The following GPR162 variants were observed in gnomAD, a reference collection of about 807,000 sequenced individuals.
GPR162 encodes probable G protein-coupled receptor 162.
In GPR162, 26 loss-of-function variants were observed where a neutral mutation model predicts 44.9. That is an observed-to-expected ratio of 0.58 (90% confidence interval 0.42 to 0.80). GPR162 has a LOEUF of 0.80. Ranked by LOEUF, GPR162 falls within the 30% of genes least tolerant of loss-of-function variation. The pLI, the probability that GPR162 is intolerant of heterozygous loss-of-function variation, is 0.00. For missense variants in GPR162, 704 were observed against 802.3 expected, an observed-to-expected ratio of 0.88 and a Z score of 1.48; for synonymous variants, 363 against 335.2, an observed-to-expected ratio of 1.08 and a Z score of -0.91.
Position 6,824,387 on chromosome 12 carries a change from C to A in GPR162, c.489C>A (p.Tyr163Ter). The A allele has an allele frequency of 6.2e-7, 1 of 1,614,250 alleles. No individual in the cohort carries two copies. The highest frequency in any genetic ancestry group is 8.5e-7 in the Non-Finnish European group (1 of 1,180,044). ...SIGWHNNGER[Y>*]YARGCQFIVS... The stretch of plus-strand genomic sequence containing the variant: ...GCTGGCACAACAACGGCGAGCGCTA[C>A]TATGCCCGCGGCTGCCAGTTCATAG... Residue 163 changes from tyrosine (Y) to a stop codon, truncating the protein, a stop_gained, in exon 2 of 5, where the codon TAC becomes TAA. Coordinates refer to ENST00000311268, the MANE Select transcript of GPR162 (RefSeq NM_019858.2). LOFTEE classifies it high-confidence loss of function.
At position 6,827,086 on chromosome 12, in the gene GPR162, T is replaced by C. The variant is rs782549896; in HGVS notation, c.1649T>C (p.Leu550Pro). The change falls in exon 5 of 5, where the codon CTT becomes CCT. Residue 550 changes from leucine to proline, a missense_variant. By Grantham distance (98) the Leu-to-Pro change is moderately conservative. This residue lies in a region of GPR162 where 404 missense variants were observed against 314.1 expected (regional missense o/e 1.29). Coordinates refer to ENST00000311268, the MANE Select transcript of GPR162 (RefSeq NM_019858.2). Reference sequence around the variant, plus strand: ...TCCCCTGAGAGCAGAGCCGTTGGACTTCCTTTGGGACTAAGCGCAGGGAGA... The same window carrying C: ...TCCCCTGAGAGCAGAGCCGTTGGACCTCCTTTGGGACTAAGCGCAGGGAGA... ...LGSPESRAVG[L>P]PLGLSAGRRC... is the part of the protein sequence containing the mutation. The C allele has an allele frequency of 1.2e-5, 20 of 1,613,304 alleles. No individual in the cohort carries two copies. The highest frequency in any genetic ancestry group is 1.6e-4 in the Middle Eastern group (1 of 6,084).
chr12:6,826,284 C>T lies in GPR162; in HGVS notation c.1146C>T (p.Pro382=), dbSNP rs114272527. 1,326 of 1,613,980 alleles carry T rather than the reference C, an allele frequency of 8.2e-4. 5 individuals are homozygous for T. The African/African-American group carries it at 0.014, about 17-fold the overall frequency. ...CCACAGGACCAGGGAGCCGGGACCC[C>T]GCCCAGGTGAAGCTGCTGCCTGGAA... is the stretch of plus-strand genomic sequence containing the variant. The part of the protein sequence containing the change: ...NGATGPGSRD[P]AQVKLLPGRH... Residue 382 remains proline (P), a synonymous_variant, in exon 4 of 5, where the codon CCC becomes CCT. Transcript: ENST00000311268.
rs375877745 is a variant in GPR162 at position 6,823,903 on chromosome 12, C to T, written c.5C>T (p.Ala2Val). 190 of 1,566,510 alleles carry T rather than the reference C, an allele frequency of 1.2e-4. No homozygotes were observed. The highest frequency in any genetic ancestry group is 1.5e-4 in the Non-Finnish European group (174 of 1,153,766). The stretch of plus-strand genomic sequence containing the variant: ...GGGTGGGGGGCTGAGGATAGGATGG[C>T]TCGGGGCGGGGCGGGGGCAGAGGAG... M[A>V]RGGAGAEEAS... Residue 2 changes from alanine (A) to valine (V), a missense_variant, in exon 2 of 5, where the codon GCT becomes GTT. Physicochemically the swap from Ala to Val is moderately conservative, Grantham distance 64. Coordinates refer to ENST00000311268, the MANE Select transcript of GPR162 (RefSeq NM_019858.2).
Position 6,823,714 on chromosome 12 carries a change from C to T in GPR162, c.-185C>T, listed in dbSNP as rs11539232. The T allele has an allele frequency of 6.3e-7, 1 of 1,593,374 alleles. No individual in the cohort carries two copies. The highest frequency in any genetic ancestry group is 1.1e-5 in the South Asian group (1 of 90,142). ...GCTGACCCTCAGTCTCCTCCCCTGC[C>T]CTCTACATCTGCCCTCAGCTGGGTC... On this transcript the variant is annotated 5_prime_UTR_variant, in exon 2 of 5. Coordinates refer to ENST00000311268, the MANE Select transcript of GPR162 (RefSeq NM_019858.2).
In GPR162 at chr12:6,827,132, T is replaced by G. The variant is rs201750723; in HGVS notation, c.1695T>G (p.Gly565=). 2.7e-3 allele frequency: 4,306 copies of G among 1,612,532 alleles called. 6 individuals carry two copies. The highest frequency in any genetic ancestry group is 2.9e-3 in the Non-Finnish European group (3,433 of 1,179,868). ...SAGRRCSLTG[G]EESARAWGGS... Reference sequence around the variant, plus strand: ...GGAGACGCTGCTCCCTGACGGGGGGTGAAGAAAGTGCAAGGGCTTGGGGAG... The same window carrying G: ...GGAGACGCTGCTCCCTGACGGGGGGGGAAGAAAGTGCAAGGGCTTGGGGAG... Residue 565 remains glycine (G), a synonymous_variant, in exon 5 of 5, where the codon GGT becomes GGG. Coordinates refer to ENST00000311268, the MANE Select transcript of GPR162 (RefSeq NM_019858.2).
rs1555120368 is a variant in GPR162, at chr12:6,827,021, C to T, written c.1584C>T (p.Pro528=). The T allele has an allele frequency of 3.1e-6, 5 of 1,613,384 alleles. No homozygotes were observed. The Admixed American group carries it at 5.0e-5, about 16-fold the overall frequency. The part of the protein sequence containing the change: ...TASPGHSPRR[P]RPLGLSPRRL... Reference sequence around the variant, plus strand: ...CACCAGGGCACTCTCCTCGTCGGCCCCGGCCACTGGGCCTCTCACCCCGCC... The same window carrying T: ...CACCAGGGCACTCTCCTCGTCGGCCTCGGCCACTGGGCCTCTCACCCCGCC... The change falls in exon 5 of 5, where the codon CCC becomes CCT. Residue 528 remains proline, a synonymous_variant. Coordinates refer to ENST00000311268, the MANE Select transcript of GPR162 (RefSeq NM_019858.2).
At position 6,824,480 on chromosome 12, in the gene GPR162, T is replaced by G; in HGVS notation, c.582T>G (p.Gly194=). The change falls in exon 2 of 5, where the codon GGT becomes GGG. Residue 194 remains glycine (G), a synonymous_variant. Coordinates refer to ENST00000311268, the MANE Select transcript of GPR162 (RefSeq NM_019858.2). ...TGCTACTTGGGGGAATTGTCATGGG[T>G]CTGGTCTGTGTGGCCATCACCTTCT... is the stretch of plus-strand genomic sequence containing the variant. ...SLLLLGGIVM[G]LVCVAITFYQ... is the part of the protein sequence containing the mutation. 1 of 1,613,764 alleles carries G rather than the reference T, an allele frequency of 6.2e-7. No homozygotes were observed. The highest frequency in any genetic ancestry group is 8.5e-7 in the Non-Finnish European group (1 of 1,179,944).
In GPR162 at chr12:6,822,542, C is replaced by T. The variant is rs555744061; in HGVS notation, c.-432+642C>T. Among the ~76,000 whole-genome samples, 1 of 152,200 alleles carries T rather than the reference C, an allele frequency of 6.6e-6. No individual in the cohort carries two copies. Among genetic ancestry groups the T allele is most frequent in the African/African-American group, 2.4e-5 (1 of 41,452 alleles). On this transcript the variant is annotated intron_variant, in intron 1 of 4. Transcript: ENST00000311268. This position sits in a 1 kb window ranked among gnomAD's most constrained non-coding sequence, Gnocchi z 4.2. ...GGGTTTCACCCGATTCCCTTACCCC[C>T]CTTCCCAGGGCTCACTGAAGCTCAG...
chr12:6,827,267 G>A lies in GPR162; in HGVS notation c.*63G>A, dbSNP rs118104657. The A allele has an allele frequency of 1.2e-3, 1,634 of 1,348,326 alleles. 9 individuals are homozygous for A. In the East Asian group the frequency reaches 0.017, roughly 14 times the overall value. 83.5% of individuals were successfully genotyped at this position (1,348,326 alleles called of 1,614,324 possible). ...GAGTGAGTAACACCTCATTCTGGCCGAGAGTAGGGCAGCTGCCTCCAGACT... is the reference window on the plus strand; with the variant it reads ...GAGTGAGTAACACCTCATTCTGGCCAAGAGTAGGGCAGCTGCCTCCAGACT... On this transcript the variant is annotated 3_prime_UTR_variant, in exon 5 of 5. Transcript: ENST00000311268.
chr12:6,827,020 C>T lies in GPR162; in HGVS notation c.1583C>T (p.Pro528Leu), dbSNP rs782782013. Residue 528 changes from proline (P) to leucine (L), a missense_variant, in exon 5 of 5, where the codon CCC becomes CTC. Physicochemically the swap from Pro to Leu is moderately conservative, Grantham distance 98 (BLOSUM62 -3). This residue lies in a region of GPR162 where 404 missense variants were observed against 314.1 expected (regional missense o/e 1.29). Transcript: ENST00000311268. ...TCACCAGGGCACTCTCCTCGTCGGCCCCGGCCACTGGGCCTCTCACCCCGC... is the reference window on the plus strand; with the variant it reads ...TCACCAGGGCACTCTCCTCGTCGGCTCCGGCCACTGGGCCTCTCACCCCGC... ...TASPGHSPRR[P>L]RPLGLSPRRL... 3 of 1,613,282 alleles carry T rather than the reference C, an allele frequency of 1.9e-6. No individual in the cohort carries two copies. In the African/African-American group the frequency reaches 4.0e-5, roughly 22 times the overall value.
At chr12:6,826,484 G>T in intron 4 of GPR162, 131 bp downstream of exon 4, 1 of 1,107,282 alleles carries the variant, frequency 9.0e-7, no homozygotes. Context: ...GTGAAAGAAA[G>T]CTATAGCAAG....
Position 6,826,980 on chromosome 12 carries a change from C to T in GPR162, c.1543C>T (p.Pro515Ser). Residue 515 changes from proline to serine, a missense_variant, in exon 5 of 5, where the codon CCT becomes TCT. Coordinates refer to ENST00000311268, the MANE Select transcript of GPR162 (RefSeq NM_019858.2). ...ITTFIDETPL[P>S]SPTASPGHSP... ...CACCTTCATCGATGAGACACCTCTG[C>T]CTTCTCCGACTGCCTCACCAGGGCA... 1 of 1,613,296 alleles carries T rather than the reference C, an allele frequency of 6.2e-7. No homozygotes were observed. Among genetic ancestry groups the T allele is most frequent in the Non-Finnish European group, 8.5e-7 (1 of 1,179,950 alleles).
rs1943364863 is a variant in GPR162 at position 6,826,782 on chromosome 12, C to T, written c.1345C>T (p.Leu449Phe). 10 of 1,609,420 alleles carry T rather than the reference C, an allele frequency of 6.2e-6. No individual in the cohort carries two copies. The highest frequency in any genetic ancestry group is 8.5e-6 in the Non-Finnish European group (10 of 1,177,636). ...IRVLPAQSRA[L>F]GGPPEYLGQR... Reference sequence around the variant, plus strand: ...GGTCCTCCCAGCCCAGAGCCGGGCCCTCGGGGGTCCTCCTGAGTACCTGGG... The same window carrying T: ...GGTCCTCCCAGCCCAGAGCCGGGCCTTCGGGGGTCCTCCTGAGTACCTGGG... The change falls in exon 5 of 5, where the codon CTC becomes TTC. Residue 449 changes from leucine (L) to phenylalanine (F), a missense_variant. Leu to Phe is a conservative substitution (Grantham distance 22, BLOSUM62 0). This residue lies in a region of GPR162 where 404 missense variants were observed against 314.1 expected (regional missense o/e 1.29). Coordinates refer to ENST00000311268, the MANE Select transcript of GPR162 (RefSeq NM_019858.2).
At chr12:6,826,025 C>T (rs185620244) in intron 3 of GPR162, among the ~76,000 whole-genome samples, 171 bp from the exon 4 acceptor site, 2 of 152,308 alleles carry the variant, frequency 1.3e-5, no homozygotes, top group Admixed American at 1.3e-4. Context: ...ATGAAGCACT[C>T]CACTCAGGAT....
In GPR162 at chr12:6,826,445, C is replaced by T. The variant is rs1943357311; in HGVS notation, c.1215+92C>T. 5 of 1,313,560 alleles carry T rather than the reference C, an allele frequency of 3.8e-6. 1 individual carries two copies. In the Admixed American group the frequency reaches 9.3e-5, roughly 24 times the overall value. 81.4% of individuals were successfully genotyped at this position (1,313,560 alleles called of 1,614,324 possible). On this transcript the variant is annotated intron_variant, in intron 4 of 4. Transcript: ENST00000311268. Reference sequence around the variant, plus strand: ...GGCACCCCAATCCCCTCTTCCCTAGCCCTGGCTTTCAGGGCACCATAGAGC... The same window carrying T: ...GGCACCCCAATCCCCTCTTCCCTAGTCCTGGCTTTCAGGGCACCATAGAGC...
In GPR162 at chr12:6,826,700, T is replaced by C; in HGVS notation, c.1263T>C (p.Ser421=). The change falls in exon 5 of 5, where the codon TCT becomes TCC. Residue 421 remains serine, a synonymous_variant. Coordinates refer to ENST00000311268, the MANE Select transcript of GPR162 (RefSeq NM_019858.2). ...RLSHDETNIF[S]TPREPGSFLH... Reference sequence around the variant, plus strand: ...CCCATGATGAGACAAACATCTTCTCTACCCCTCGGGAACCAGGCTCCTTCC... The same window carrying C: ...CCCATGATGAGACAAACATCTTCTCCACCCCTCGGGAACCAGGCTCCTTCC... The C allele has an allele frequency of 1.3e-6, 2 of 1,542,036 alleles. No homozygotes were observed. The highest frequency in any genetic ancestry group is 1.7e-6 in the Non-Finnish European group (2 of 1,147,990).
chr12:6,823,809 G>A lies in GPR162; in HGVS notation c.-90G>A, dbSNP rs149274182. ...CCTGCTGACAGGGCGAGGATTGTGGGGATCATGGGAGTGTTTGTGAGTGGG... is the reference window on the plus strand; with the variant it reads ...CCTGCTGACAGGGCGAGGATTGTGGAGATCATGGGAGTGTTTGTGAGTGGG... On this transcript the variant is annotated 5_prime_UTR_variant, in exon 2 of 5. Coordinates refer to ENST00000311268, the MANE Select transcript of GPR162 (RefSeq NM_019858.2). 6.2e-7 allele frequency: 1 copy of A among 1,608,840 alleles called. No individual in the cohort carries two copies. Among genetic ancestry groups the A allele is most frequent in the Admixed American group, 1.7e-5 (1 of 59,522 alleles).
In GPR162 at chr12:6,823,916, G is replaced by A. The variant is rs782327892; in HGVS notation, c.18G>A (p.Ala6=). 34 of 1,558,614 alleles carry A rather than the reference G, an allele frequency of 2.2e-5. No individual in the cohort carries two copies. Among genetic ancestry groups the A allele is most frequent in the East Asian group, 1.4e-4 (6 of 43,194 alleles). MARGG[A]GAEEASLRSN... ...AGGATAGGATGGCTCGGGGCGGGGCGGGGGCAGAGGAGGCCTCCCTGCGCT... is the reference window on the plus strand; with the variant it reads ...AGGATAGGATGGCTCGGGGCGGGGCAGGGGCAGAGGAGGCCTCCCTGCGCT... Residue 6 remains alanine, a synonymous_variant, in exon 2 of 5, where the codon GCG becomes GCA. Transcript: ENST00000311268.
intron 4 of GPR162, 48 bp downstream of exon 4, chr12:6,826,401 T>C (rs782510154): frequency 1.3e-6 from 2 of 1,535,218 alleles, no homozygotes; most frequent in East Asian, 2.3e-5. Context: ...CGCTCATCAC[T>C]TTTCTCCAGT....
Sources: gnomAD v4.1 joint callset for allele counts (sites outside exome capture counted in the v4.1 genomes callset) on GRCh38, gnomAD v4.1.1 for gene constraint, gnomAD v4.1.1 regional missense constraint, Gnocchi (gnomAD v3.1) non-coding constraint, MANE v1.5 for transcripts, NCBI Gene and HGNC (gene_info 2026-07-23, HGNC 2026-07-21) for gene names.